Variants in MYRIP observed in about 807,000 individuals in gnomAD.
MYRIP encodes myosin VIIA and Rab interacting protein.
Under a neutral mutation model 98.0 loss-of-function variants are expected in MYRIP, and 49 were observed. That is an observed-to-expected ratio of 0.50 (90% CI 0.40 to 0.63). The LOEUF is 0.63. MYRIP is among the 30% of genes least tolerant of loss of function. The pLI is 0.00. For synonymous variants in MYRIP, 404 were observed against 409.5 expected (o/e 0.99, Z 0.16); for missense variants, 1,004 against 1,058.2 (o/e 0.95, Z 0.71).
At chr3:39,958,545 C>A (rs1209973634) in intron 2 of MYRIP, among the ~76,000 whole-genome samples, 1 of 152,168 alleles carries the variant, frequency 6.6e-6, no homozygotes, top group East Asian at 1.9e-4. Flanking sequence ...GGATTAAAGA[C>A]TTAAATGTTA....
intron 2 of MYRIP, among the ~76,000 whole-genome samples, chr3:39,962,956 A>G (rs879501276): frequency 7.2e-5 from 11 of 152,148 alleles, no homozygotes; most frequent in African/African-American, 2.7e-4. Flanking sequence ...GTTCTCATAC[A>G]TCGGTATTAT....
At chr3:39,873,119 G>C (rs145489655) in intron 1 of MYRIP, among the ~76,000 whole-genome samples, 2 of 152,136 alleles carry the variant, frequency 1.3e-5, no homozygotes, top group African/African-American at 2.4e-5. Context: ...TATGTTTTTT[G>C]GCTGCATAAA....
chr3:39,827,765 G>A (rs915407863), intron 1 of MYRIP, among the ~76,000 whole-genome samples: 10 of 152,202 alleles, frequency 6.6e-5, no homozygotes, highest in African/African-American at 2.4e-4. Flanking sequence ...AGATGCCCTT[G>A]AGCATCTTGT....
chr3:40,142,280 C>T (rs555819605), intron 3 of MYRIP, among the ~76,000 whole-genome samples: 18 of 151,652 alleles, frequency 1.2e-4, no homozygotes, highest in African/African-American at 3.9e-4. Context: ...CTCGAACTCC[C>T]GACCTCAAGT....
chr3:39,923,964 A>G (rs1944359073), intron 2 of MYRIP, among the ~76,000 whole-genome samples: 1 of 152,124 alleles, frequency 6.6e-6, no homozygotes, highest in South Asian at 2.1e-4. Context: ...ATACCTACCA[A>G]CCACTAGAAA....
intron 2 of MYRIP, among the ~76,000 whole-genome samples, chr3:40,007,934 G>A (rs1272588788): frequency 6.6e-6 from 1 of 152,064 alleles, no homozygotes; most frequent in Non-Finnish European, 1.5e-5. Context: ...TGTTAATCTT[G>A]TCTGAAAAAC....
intron 2 of MYRIP, 144 bp downstream of exon 2, chr3:39,901,070 G>T: frequency 1.6e-6 from 1 of 610,818 alleles, no homozygotes; most frequent in South Asian, 2.1e-5. Flanking sequence ...TTGTAGAAAG[G>T]TTTGCCAGTT....
chr3:40,150,477 G>A (rs1037770346), intron 3 of MYRIP, among the ~76,000 whole-genome samples: 10 of 152,230 alleles, frequency 6.6e-5, no homozygotes, highest in Non-Finnish European at 1.2e-4. Context: ...ATGAGGAAGA[G>A]GCTGGAGAAT....
At chr3:40,024,526 G>C (rs906737952) in intron 2 of MYRIP, among the ~76,000 whole-genome samples, 3 of 151,856 alleles carry the variant, frequency 2.0e-5, no homozygotes, top group Non-Finnish European at 4.4e-5. Flanking sequence ...TGAGCCTACA[G>C]ACTTGGAATT....
chr3:39,833,988 C>T (rs545146523), intron 1 of MYRIP, among the ~76,000 whole-genome samples: 3 of 152,338 alleles, frequency 2.0e-5, no homozygotes, highest in East Asian at 3.9e-4. Context: ...AAGATTGCAC[C>T]ATTGCATTCC....
Position 39,993,290 on chromosome 3 carries a change from G to T in MYRIP, c.111-50760G>T, listed in dbSNP as rs569670926. Among the ~76,000 whole-genome samples, 3 of 152,290 alleles carry T rather than the reference G, an allele frequency of 2.0e-5. No individual in the cohort carries two copies. In the South Asian group the frequency reaches 6.2e-4, roughly 32 times the overall value. On this transcript the variant is annotated intron_variant, in intron 2 of 16. Coordinates refer to ENST00000302541, the MANE Select transcript of MYRIP (RefSeq NM_015460.4). ...CTCGTGGCCTAATCACCTCTTAGAG[G>T]TCTCACTCTTAATACAGTTACAATG...
At chr3:40,229,522 T>C (rs1952588123) in intron 11 of MYRIP, among the ~76,000 whole-genome samples, 2 of 152,226 alleles carry the variant, frequency 1.3e-5, no homozygotes, top group South Asian at 4.1e-4. Context: ...TGAGTTGGGC[T>C]GGGAGCCTGT....
intron 1 of MYRIP, among the ~76,000 whole-genome samples, chr3:39,827,180 A>G (rs1284326966): frequency 1.3e-5 from 2 of 152,126 alleles, no homozygotes; most frequent in African/African-American, 4.8e-5. Flanking sequence ...TGGCATGACC[A>G]TAGCTCACTC....
At chr3:39,939,611 G>A (rs922063311) in intron 2 of MYRIP, among the ~76,000 whole-genome samples, 2 of 152,040 alleles carry the variant, frequency 1.3e-5, no homozygotes, top group Non-Finnish European at 2.9e-5. Context: ...TTTGCAAAGT[G>A]CCCATTAGTT....
chr3:40,110,588 A>G (rs1328873762), intron 3 of MYRIP, among the ~76,000 whole-genome samples: 2 of 152,164 alleles, frequency 1.3e-5, no homozygotes, highest in Admixed American at 1.3e-4. Context: ...CTGGGGATAC[A>G]ACACCTCCCT....
At chr3:40,159,284 G>T (rs1371304343) in intron 4 of MYRIP, among the ~76,000 whole-genome samples, 3 of 151,928 alleles carry the variant, frequency 2.0e-5, no homozygotes, top group Middle Eastern at 3.4e-3. Flanking sequence ...GAAATTCTGG[G>T]TTGAAAATTC....
chr3:40,010,677 A>G (rs942161980), intron 2 of MYRIP, among the ~76,000 whole-genome samples: 1 of 152,236 alleles, frequency 6.6e-6, no homozygotes, highest in Non-Finnish European at 1.5e-5. Flanking sequence ...TATGCTTTGC[A>G]TTGGTTCTTC....
intron 3 of MYRIP, among the ~76,000 whole-genome samples, chr3:40,138,807 C>T (rs1391168506): frequency 6.6e-6 from 1 of 152,204 alleles, no homozygotes; most frequent in Admixed American, 6.5e-5. Flanking sequence ...AGTATAGCTA[C>T]TTCTTTGTGT....
At chr3:40,061,542 C>T (rs779175675) in intron 3 of MYRIP, among the ~76,000 whole-genome samples, 1 of 152,218 alleles carries the variant, frequency 6.6e-6, no homozygotes, top group East Asian at 1.9e-4. Flanking sequence ...CTGCAGTGAA[C>T]ATACATGTGT....
Sources: gnomAD v4.1 joint callset for allele counts (sites outside exome capture counted in the v4.1 genomes callset) on GRCh38, gnomAD v4.1.1 for gene constraint, MANE v1.5 for transcripts, NCBI Gene and HGNC (gene_info 2026-07-23, HGNC 2026-07-21) for gene names.